PTK2B: variants seen among roughly 807,000 people sequenced by gnomAD.
The protein encoded by PTK2B is protein tyrosine kinase 2 beta.
A neutral mutation model predicts 142.9 loss-of-function variants in PTK2B; 71 were observed. The observed-to-expected ratio is 0.50, with a 90% CI of 0.41 to 0.61. PTK2B has a LOEUF of 0.61. Among genes scored for constraint, PTK2B ranks in the 20% least tolerant of loss-of-function variants. The pLI is 0.00. For missense variants in PTK2B, 1,105 were observed against 1,320.4 expected (o/e 0.84, Z 2.53); for synonymous variants, 519 against 503.4 (o/e 1.03, Z -0.42).
chr8:27,453,691 G>A (rs182305819), intron 28 of PTK2B, among the ~76,000 whole-genome samples: 60 of 152,300 alleles, frequency 3.9e-4, no homozygotes, highest in African/African-American at 1.3e-3. Flanking sequence ...ACCAGCCTGG[G>A]CAATATAGCA....
At chr8:27,434,172 AGCCTGT>A in intron 12 of PTK2B, 40 bp downstream of exon 12, 1 of 1,602,722 alleles carries the variant, frequency 6.2e-7, no homozygotes, top group Admixed American at 1.7e-5. Flanking sequence ...CCCTGAGCTC[AGCCTGT>A]GCTGCTGAGA....
chr8:27,420,929 T>C (rs1223896705), intron 4 of PTK2B, among the ~76,000 whole-genome samples, 185 bp downstream of exon 4: 1 of 152,182 alleles, frequency 6.6e-6, no homozygotes, highest in African/African-American at 2.4e-5. Flanking sequence ...TTTCTCTCAG[T>C]ATTTAAGCAC....
intron 1 of PTK2B, among the ~76,000 whole-genome samples, chr8:27,360,392 C>T (rs145857990): frequency 1.1e-3 from 169 of 152,348 alleles, no homozygotes; most frequent in African/African-American, 3.4e-3. Context: ...TGATGGGAGA[C>T]GGCTGATGCT....
intron 17 of PTK2B, 53 bp from the exon 18 acceptor site, chr8:27,437,712 G>T (rs886834805): frequency 3.3e-5 from 51 of 1,530,396 alleles, no homozygotes; most frequent in Non-Finnish European, 4.4e-5. Context: ...TGGTCCCCTG[G>T]CTCCATACTG....
chr8:27,342,087 C>G (rs1438602004), intron 1 of PTK2B, among the ~76,000 whole-genome samples: 1 of 152,148 alleles, frequency 6.6e-6, no homozygotes, highest in African/African-American at 2.4e-5. Context: ...CGCTGCTGGC[C>G]TGGGAACCCC....
chr8:27,422,838 C>T (rs1809847882), intron 5 of PTK2B, among the ~76,000 whole-genome samples: 1 of 152,184 alleles, frequency 6.6e-6, no homozygotes, highest in Non-Finnish European at 1.5e-5. Context: ...GGCCCTCACA[C>T]TTCCATGTTG....
At chr8:27,420,903 C>T (rs747852027) in intron 4 of PTK2B, among the ~76,000 whole-genome samples, 159 bp downstream of exon 4, 1 of 152,194 alleles carries the variant, frequency 6.6e-6, no homozygotes, top group African/African-American at 2.4e-5. Flanking sequence ...CTATGGTCCG[C>T]GGCTCCAACC....
intron 2 of PTK2B, among the ~76,000 whole-genome samples, chr8:27,413,227 G>A (rs1470261286): frequency 6.6e-6 from 1 of 152,030 alleles, no homozygotes; most frequent in Non-Finnish European, 1.5e-5. Flanking sequence ...TTGTAGTATT[G>A]CTGCCCCATC....
intron 15 of PTK2B, 120 bp from the exon 16 acceptor site, chr8:27,437,002 A>G: frequency 1.2e-6 from 1 of 852,522 alleles, no homozygotes; most frequent in Non-Finnish European, 2.0e-6. Context: ...GAAGAGAGAC[A>G]TAGGAGAAAG....
intron 1 of PTK2B, among the ~76,000 whole-genome samples, chr8:27,330,222 CATA>C (rs2130818758): frequency 6.6e-6 from 1 of 152,318 alleles, no homozygotes; most frequent in African/African-American, 2.4e-5. Flanking sequence ...CATTCAGTCC[CATA>C]ATTAGGCAGA....
rs1426331836 is a variant in PTK2B at position 27,437,788 on chromosome 8, C to G, written c.1551C>G (p.Asn517Lys). ...AGCTGGGCCACTACCTGGAGCGGAACAAGAACTCCCTGAAGGTGCTCACCC... is the reference window on the plus strand; with the variant it reads ...AGCTGGGCCACTACCTGGAGCGGAAGAAGAACTCCCTGAAGGTGCTCACCC... The part of the protein sequence containing the change: ...YGELGHYLER[N>K]KNSLKVLTLV... The change falls in exon 18 of 31, where the codon AAC (asparagine) becomes AAG (lysine). Residue 517 changes from asparagine (N) to lysine (K), a missense_variant. By Grantham distance (94) the Asn-to-Lys change is moderately conservative. Transcript: ENST00000346049. The G allele has an allele frequency of 6.2e-7, 1 of 1,612,846 alleles. No individual in the cohort carries two copies. The highest frequency in any genetic ancestry group is 8.5e-7 in the Non-Finnish European group (1 of 1,179,622).
intron 1 of PTK2B, among the ~76,000 whole-genome samples, chr8:27,388,094 C>CT (rs1179504991): frequency 6.6e-6 from 1 of 152,198 alleles, no homozygotes; most frequent in Non-Finnish European, 1.5e-5. Flanking sequence ...GATTAGCAGT[C>CT]TTTAGAAGAA....
intron 1 of PTK2B, among the ~76,000 whole-genome samples, chr8:27,327,598 T>G (rs1473577727): frequency 6.6e-6 from 1 of 152,224 alleles, no homozygotes; most frequent in Non-Finnish European, 1.5e-5. Flanking sequence ...CCAGGCACTC[T>G]GAGAACAGTC....
chr8:27,392,697 G>A (rs930562182), intron 1 of PTK2B, among the ~76,000 whole-genome samples: 2 of 152,176 alleles, frequency 1.3e-5, no homozygotes. Flanking sequence ...GAAGAGGGGT[G>A]GCAGATGCCT....
At chr8:27,387,180 G>C (rs1246318511) in intron 1 of PTK2B, among the ~76,000 whole-genome samples, 1 of 152,080 alleles carries the variant, frequency 6.6e-6, no homozygotes, top group East Asian at 1.9e-4. Flanking sequence ...GTAGGCTGTG[G>C]ACTGTGTTTG....
At chr8:27,329,196 A>G (rs985499168) in intron 1 of PTK2B, among the ~76,000 whole-genome samples, 21 of 152,156 alleles carry the variant, frequency 1.4e-4, no homozygotes, top group Admixed American at 3.9e-4. Context: ...TCAGCCTCCC[A>G]AAGTGCTAGG....
chr8:27,458,499 C>A lies in PTK2B; in HGVS notation c.3020C>A (p.Pro1007His). 1.3e-6 allele frequency: 2 copies of A among 1,572,938 alleles called. No homozygotes were observed. Among genetic ancestry groups the A allele is most frequent in the Non-Finnish European group, 1.7e-6 (2 of 1,159,758 alleles). Reference protein sequence around the residue: ...AKVLANLAHPPAE With the variant: ...AKVLANLAHPHAE ...GTTCTGGCCAATCTGGCCCACCCAC[C>A]TGCAGAGTGACGGAGGGTGGGGGCC... Residue 1007 changes from proline to histidine, a missense_variant, in exon 31 of 31, where the codon CCT (proline) becomes CAT (histidine). Coordinates refer to ENST00000346049, the MANE Select transcript of PTK2B (RefSeq NM_173176.3).
chr8:27,370,704 C>T (rs1806300878), intron 1 of PTK2B, among the ~76,000 whole-genome samples: 1 of 152,180 alleles, frequency 6.6e-6, no homozygotes. Flanking sequence ...GACCTTCTAC[C>T]CAGGCCCAAG....
At chr8:27,321,704 C>T (rs1803220609), upstream of PTK2B, among the ~76,000 whole-genome samples, 1 of 152,206 alleles carries the variant, frequency 6.6e-6, no homozygotes, top group African/African-American at 2.4e-5. Flanking sequence ...AACTTAATCA[C>T]ATGGTCGCAC....
Sources: allele counts gnomAD v4.1 joint callset (sites outside exome capture counted in the v4.1 genomes callset), GRCh38; gene constraint gnomAD v4.1.1; transcripts MANE v1.5; gene names NCBI Gene and HGNC (gene_info 2026-07-23, HGNC 2026-07-21).